NMD3: variants seen among roughly 807,000 people sequenced by gnomAD.
NMD3 encodes 60S ribosomal export protein NMD3.
A neutral mutation model predicts 73.1 loss-of-function variants in NMD3; 47 were observed. The observed-to-expected ratio is 0.64, with a 90% CI of 0.51 to 0.82. The LOEUF is 0.82. Among genes scored for constraint, NMD3 ranks in the 40% least tolerant of loss-of-function variants. NMD3 has a pLI of 0.00. For synonymous variants in NMD3, 210 were observed against 194.5 expected (o/e 1.08, Z -0.66); for missense variants, 554 against 612.5 (o/e 0.90, Z 1.01).
In NMD3 at chr3:161,242,557, A is replaced by T. The variant is rs779122400; in HGVS notation, c.921A>T (p.Leu307Phe). 2.5e-6 allele frequency: 4 copies of T among 1,613,730 alleles called. No homozygotes were observed. In the Admixed American group the frequency reaches 6.7e-5, roughly 27 times the overall value. ...TCTGGAGTCACCCTTTCAATAGTTT[A>T]TGTCATCCCAAACAGCTAGAGGAGT... ...STFWSHPFNSLCHPKQLEEFI... is the reference protein window; with the variant it reads ...STFWSHPFNSFCHPKQLEEFI... The change falls in exon 11 of 16, where the codon TTA (leucine) becomes TTT (phenylalanine). Residue 307 changes from leucine to phenylalanine, a missense_variant. Physicochemically the swap from Leu to Phe is conservative, Grantham distance 22 (BLOSUM62 0). Transcript: ENST00000351193.
intron 4 of NMD3, among the ~76,000 whole-genome samples, chr3:161,228,704 G>A (rs1363525553): frequency 6.6e-6 from 1 of 152,124 alleles, no homozygotes; most frequent in Non-Finnish European, 1.5e-5. Context: ...TACCAACTCT[G>A]TGCCAAACTG....
rs1357288461 is a variant in NMD3, at chr3:161,249,442, T to C, written c.1204-12T>C. 1 of 1,553,912 alleles carries C rather than the reference T, an allele frequency of 6.4e-7. No homozygotes were observed. The highest frequency in any genetic ancestry group is 8.8e-7 in the Non-Finnish European group (1 of 1,137,964). ...CCCATTCTTTGTAACTTTACAAATATTTATCTTGCAGGTATTAATCAAGAA... is the reference window on the plus strand; with the variant it reads ...CCCATTCTTTGTAACTTTACAAATACTTATCTTGCAGGTATTAATCAAGAA... On this transcript the variant is annotated splice_polypyrimidine_tract_variant and intron_variant, in intron 13 of 15. Transcript: ENST00000351193.
chr3:161,245,201 A>G (rs1300339308), intron 11 of NMD3, among the ~76,000 whole-genome samples: 1 of 151,884 alleles, frequency 6.6e-6, no homozygotes, highest in African/African-American at 2.4e-5. Context: ...ATAACTTGTG[A>G]TAATTTGGGA....
At chr3:161,221,775 G>GGGAA (rs138331327) in intron 1 of NMD3, 1 of 378,218 alleles carries the variant, frequency 2.6e-6, no homozygotes, top group East Asian at 4.4e-5. Flanking sequence ...TCTTGCAGCT[G>GGGAA]GGAAGCTCAG....
In NMD3 at chr3:161,248,643, G is replaced by A. The variant is rs188903644; in HGVS notation, c.1204-811G>A. Among the ~76,000 whole-genome samples the A allele has an allele frequency of 1.2e-4, 18 of 152,162 alleles. No individual in the cohort carries two copies. The East Asian group carries it at 3.1e-3, about 26-fold the overall frequency. Reference sequence around the variant, plus strand: ...TTATTCAAAGCTGAATAAAATATCCGTGAAAAATAATCTTCACAGTATCAA... The same window carrying A: ...TTATTCAAAGCTGAATAAAATATCCATGAAAAATAATCTTCACAGTATCAA... On this transcript the variant is annotated intron_variant, in intron 13 of 15. Transcript: ENST00000351193.
At chr3:161,228,752 C>A (rs984641170) in intron 4 of NMD3, among the ~76,000 whole-genome samples, 64 of 152,122 alleles carry the variant, frequency 4.2e-4, no homozygotes, top group African/African-American at 1.5e-3. Context: ...ATAAGGCAAT[C>A]CCTGTCTTAG....
intron 5 of NMD3, among the ~76,000 whole-genome samples, chr3:161,233,725 G>A (rs896222719): frequency 2.0e-5 from 3 of 151,846 alleles, no homozygotes; most frequent in Non-Finnish European, 4.4e-5. Context: ...GTAAAAACAT[G>A]GTCTAAGGTA....
chr3:161,237,538 CTTT>C (rs71628447), intron 7 of NMD3, among the ~76,000 whole-genome samples: 52 of 108,794 alleles, frequency 4.8e-4, no homozygotes, highest in African/African-American at 1.3e-3. Flanking sequence ...AAATAACTTT[CTTT>C]TTTTTTTTTT....
intron 13 of NMD3, among the ~76,000 whole-genome samples, chr3:161,248,626 A>G (rs1244482721): frequency 6.6e-6 from 1 of 152,202 alleles, no homozygotes; most frequent in Admixed American, 6.5e-5. Flanking sequence ...TGTTATTCAA[A>G]GCTGAATAAA....
chr3:161,253,350 G>T (rs1248081388), downstream of NMD3: 1 of 152,048 alleles, frequency 6.6e-6, no homozygotes, highest in Non-Finnish European at 1.5e-5. Flanking sequence ...TCCAGCCCAA[G>T]GAATGTTTAT....
intron 14 of NMD3, 22 bp from the exon 15 acceptor site, chr3:161,250,234 A>G: frequency 7.6e-7 from 1 of 1,315,148 alleles, no homozygotes. Flanking sequence ...TGGTGATGAA[A>G]TATTTAAATG....
chr3:161,238,971 C>A, intron 9 of NMD3, 145 bp downstream of exon 9: 2 of 479,710 alleles, frequency 4.2e-6, no homozygotes, highest in Non-Finnish European at 7.5e-6. Context: ...ACACATTCAG[C>A]CATGTTAAAA....
chr3:161,232,953 G>T (rs1736597864), intron 4 of NMD3, among the ~76,000 whole-genome samples: 1 of 152,088 alleles, frequency 6.6e-6, no homozygotes, highest in African/African-American at 2.4e-5. Context: ...TTCAGTGCAT[G>T]CAACTTCTCT....
chr3:161,227,669 G>A (rs1292417592), intron 4 of NMD3, among the ~76,000 whole-genome samples: 6 of 151,684 alleles, frequency 4.0e-5, no homozygotes, highest in Non-Finnish European at 8.8e-5. Flanking sequence ...GATTGGTCTC[G>A]AACTCCTGAC....
chr3:161,242,681 T>C, intron 11 of NMD3, 28 bp downstream of exon 11: 1 of 1,488,710 alleles, frequency 6.7e-7, no homozygotes, highest in Non-Finnish European at 9.1e-7. Flanking sequence ...TGCCAGTGTA[T>C]TTTTTTTTCC....
chr3:161,236,837 C>T (rs964614669), intron 7 of NMD3, among the ~76,000 whole-genome samples: 65 of 152,222 alleles, frequency 4.3e-4, no homozygotes, highest in African/African-American at 1.5e-3. Flanking sequence ...TGCCTTGGGT[C>T]TTCTGTCAAA....
chr3:161,225,114 G>GATA, intron 3 of NMD3, 50 bp downstream of exon 3: 1 of 1,544,342 alleles, frequency 6.5e-7, no homozygotes, highest in Non-Finnish European at 8.8e-7. Context: ...TTTACATTTA[G>GATA]AGAACCACCG....
At chr3:161,245,187 A>G (rs1737152201) in intron 11 of NMD3, among the ~76,000 whole-genome samples, 1 of 151,966 alleles carries the variant, frequency 6.6e-6, no homozygotes, top group East Asian at 1.9e-4. Context: ...TTCTTGAGAC[A>G]AAAATAACTT....
At chr3:161,225,759 A>G (rs1334043868) in intron 3 of NMD3, among the ~76,000 whole-genome samples, 7 of 152,136 alleles carry the variant, frequency 4.6e-5, no homozygotes, top group African/African-American at 9.7e-5. Flanking sequence ...GGGGTGGTTC[A>G]TGGACTCCTT....
Sources: gnomAD v4.1 joint callset for allele counts (sites outside exome capture counted in the v4.1 genomes callset) on GRCh38, gnomAD v4.1.1 for gene constraint, MANE v1.5 for transcripts, NCBI Gene and HGNC (gene_info 2026-07-23, HGNC 2026-07-21) for gene names.